Variants in GCFC2 observed in about 807,000 individuals in gnomAD.
GCFC2 encodes the protein GC-rich sequence DNA-binding factor 2, also known as intron Large complex component GCFC2.
A neutral mutation model predicts 99.4 loss-of-function variants in GCFC2; 102 were observed. The ratio of observed to expected loss-of-function variants is 1.03; its 90% CI spans 0.87 to 1.21. The LOEUF (loss-of-function observed/expected upper bound fraction) is 1.21. Among genes scored for constraint, GCFC2 ranks in the 50% most tolerant of loss-of-function variants. The pLI is 0.00. For missense variants in GCFC2, 973 were observed against 920.9 expected, an observed-to-expected ratio of 1.06 and a Z score of -0.73; for synonymous variants, 338 against 316.8, an observed-to-expected ratio of 1.07 and a Z score of -0.71.
At chr2:75,687,759 C>G in intron 11 of GCFC2, 68 bp downstream of exon 11, 2 of 1,217,380 alleles carry the variant, frequency 1.6e-6, no homozygotes. Context: ...GTGAATATAA[C>G]AGAAATTAAC....
chr2:75,693,116 A>G (rs1472358886), intron 6 of GCFC2, among the ~76,000 whole-genome samples: 4 of 152,246 alleles, frequency 2.6e-5, no homozygotes, highest in African/African-American at 7.2e-5. Flanking sequence ...CAATTGGGAC[A>G]AAGCATCTCA....
intron 1 of GCFC2, 79 bp from the exon 2 acceptor site, chr2:75,706,730 G>T: frequency 1.1e-6 from 1 of 919,334 alleles, no homozygotes; most frequent in Non-Finnish European, 1.7e-6. Context: ...ACAACACATG[G>T]CATATGTATA....
Position 75,666,600 on chromosome 2 carries a change from A to G in GCFC2, c.2104-547T>C, listed in dbSNP as rs551218830. On this transcript the variant is annotated intron_variant, in intron 15 of 16. Transcript: ENST00000321027. ...GAATGAATCAATGTAGGTGCATTCA[A>G]TTTTTCTTTTGGAAATGGAAATTAC... Among the ~76,000 whole-genome samples the G allele has an allele frequency of 5.3e-5, 8 of 152,128 alleles. No homozygotes were observed. In the East Asian group the frequency reaches 5.8e-4, roughly 11 times the overall value.
In GCFC2 at chr2:75,664,669, ATCTTCTTTAAT is replaced by A; in HGVS notation, c.2332_2342del (p.Ile778LeufsTer12). The A allele has an allele frequency of 7.7e-7, 1 of 1,300,962 alleles. No individual in the cohort carries two copies. The allele number at this position is 1,300,962 out of a possible 1,614,324, so 80.6% of individuals were successfully genotyped here. A position where few individuals can be genotyped will look rare whatever the true frequency, so the allele number is the denominator to read the frequency against. On this transcript the variant is annotated frameshift_variant, in exon 17 of 17. Coordinates refer to ENST00000321027, the MANE Select transcript of GCFC2 (RefSeq NM_003203.5). LOFTEE classifies it high-confidence loss of function. ...AGCATTTTCCAATAAAGTTTATTCA[ATCTTCTTTAAT>A]TAGTGATTTAAGATGGTCTAGGTGA... is the stretch of plus-strand genomic sequence containing the variant.
At chr2:75,699,951 A>G (rs1680507019) in intron 4 of GCFC2, among the ~76,000 whole-genome samples, 1 of 150,678 alleles carries the variant, frequency 6.6e-6, no homozygotes. Flanking sequence ...CCCACGCTGA[A>G]GCGCAGTGGC....
Position 75,664,715 on chromosome 2 carries a change from A to G in GCFC2, c.2297T>C (p.Ile766Thr), listed in dbSNP as rs370736739. ...IKALNQAESF[I>T]GEHHLDHLKS... ...AAGATGGTCTAGGTGATGCTCTCCT[A>G]TGAAGGATTCTGCTTGATTCAAAGC... Residue 766 changes from isoleucine to threonine, a missense_variant, in exon 17 of 17, where the codon ATA becomes ACA. Physicochemically the swap from Ile to Thr is moderately conservative, Grantham distance 89. Transcript: ENST00000321027. 6.4e-6 allele frequency: 10 copies of G among 1,567,096 alleles called. No homozygotes were observed. The highest frequency in any genetic ancestry group is 1.3e-5 in the African/African-American group (1 of 74,140).
intron 15 of GCFC2, among the ~76,000 whole-genome samples, chr2:75,669,481 C>T (rs777311292): frequency 6.6e-6 from 1 of 152,166 alleles, no homozygotes; most frequent in Non-Finnish European, 1.5e-5. Context: ...GGAACTCCCT[C>T]ACTCTCAAAT....
upstream of GCFC2, among the ~76,000 whole-genome samples, chr2:75,711,981 GGCAGCTCCACCT>G (rs1681207596): frequency 6.6e-6 from 1 of 152,254 alleles, no homozygotes; most frequent in Non-Finnish European, 1.5e-5. Flanking sequence ...CGGACTGGCA[GGCAGCTCCACCT>G]GCAGCCCCGG....
intron 16 of GCFC2, among the ~76,000 whole-genome samples, chr2:75,665,061 C>T (rs13430138): frequency 0.071 from 10,759 of 152,010 alleles, 1,232 homozygotes; most frequent in African/African-American, 0.25. Context: ...AGTAGTGCTG[C>T]GTTGCTATTA....
At position 75,710,356 on chromosome 2, in the gene GCFC2, T is replaced by C. The variant is rs1197997837; in HGVS notation, c.265+235A>G. On this transcript the variant is annotated intron_variant, in intron 1 of 16. Transcript: ENST00000321027. ...TGGTGAAAACGAAGAGCCTCCCAAC[T>C]GTACACGATTGTTTTATTTCCCCCA... 4 of 934,612 alleles carry C rather than the reference T, an allele frequency of 4.3e-6. No homozygotes were observed. The African/African-American group carries it at 5.3e-5, about 12-fold the overall frequency. The allele number at this position is 934,612 out of a possible 1,614,324, so 57.9% of individuals were successfully genotyped here.
At chr2:75,691,144 A>G (rs1680050383) in intron 7 of GCFC2, among the ~76,000 whole-genome samples, 1 of 152,226 alleles carries the variant, frequency 6.6e-6, no homozygotes, top group Non-Finnish European at 1.5e-5. Context: ...TGCATATAGC[A>G]CCAAACCCTA....
Position 75,684,143 on chromosome 2 carries a change from T to C in GCFC2, c.1690+3684A>G, listed in dbSNP as rs75311033. Among the ~76,000 whole-genome samples the C allele has an allele frequency of 5.3e-4, 81 of 152,240 alleles. 1 individual carries two copies. The highest frequency in any genetic ancestry group is 2.6e-3 in the Admixed American group (39 of 15,288). On this transcript the variant is annotated intron_variant, in intron 11 of 16. Transcript: ENST00000321027. ...ACCAAGCAGACCTAATAGACATCTA[T>C]AGAACTCTCCACCCCAAATCGACAG...
chr2:75,685,295 A>G (rs1679763170), intron 11 of GCFC2, among the ~76,000 whole-genome samples: 1 of 152,158 alleles, frequency 6.6e-6, no homozygotes, highest in African/African-American at 2.4e-5. Flanking sequence ...AAAATTCCTC[A>G]AAGTACTATC....
intron 4 of GCFC2, among the ~76,000 whole-genome samples, 192 bp downstream of exon 4, chr2:75,700,998 A>AC (rs1680562612): frequency 1.3e-5 from 2 of 152,204 alleles, no homozygotes; most frequent in African/African-American, 4.8e-5. Context: ...TGCAAAAGGC[A>AC]AGGAAGAATT....
chr2:75,697,420 CCATT>C (rs1680377111), intron 4 of GCFC2, among the ~76,000 whole-genome samples: 2 of 152,196 alleles, frequency 1.3e-5, no homozygotes, highest in African/African-American at 4.8e-5. Context: ...AGTCAATAAC[CCATT>C]CAAATATCAC....
chr2:75,711,781 A>G (rs1278751022), upstream of GCFC2, among the ~76,000 whole-genome samples: 5 of 152,182 alleles, frequency 3.3e-5, no homozygotes, highest in East Asian at 7.7e-4. Flanking sequence ...GCTGTGCTCG[A>G]TTTCTCGCCG....
chr2:75,666,838 C>T (rs900158391), intron 15 of GCFC2, among the ~76,000 whole-genome samples: 1 of 151,942 alleles, frequency 6.6e-6, no homozygotes, highest in Non-Finnish European at 1.5e-5. Context: ...TCTTGAGGTC[C>T]GAAAACGAGA....
intron 1 of GCFC2, among the ~76,000 whole-genome samples, chr2:75,708,893 G>C (rs1339132881): frequency 6.6e-6 from 1 of 152,098 alleles, no homozygotes; most frequent in Non-Finnish European, 1.5e-5. Context: ...ATCTAAAAAT[G>C]CTATTAAGTA....
At chr2:75,701,981 T>G in intron 3 of GCFC2, 1 of 1,311,238 alleles carries the variant, frequency 7.6e-7, no homozygotes, top group Non-Finnish European at 9.7e-7. Flanking sequence ...AGGTGGGAGG[T>G]CAGGCATTAA....
Sources: gnomAD v4.1 joint callset for allele counts (sites outside exome capture counted in the v4.1 genomes callset) on GRCh38, gnomAD v4.1.1 for gene constraint, MANE v1.5 for transcripts, NCBI Gene and HGNC (gene_info 2026-07-23, HGNC 2026-07-21) for gene names.